The following PEMT variants were observed in gnomAD, a reference collection of about 807,000 sequenced individuals.
PEMT encodes phospholipid methyltransferase.
Under a neutral mutation model 27.4 loss-of-function variants are expected in PEMT, and 23 were observed. The observed-to-expected ratio is 0.84, with a 90% CI of 0.60 to 1.19. PEMT has a LOEUF of 1.19. Among genes scored for constraint, PEMT ranks in the 50% most tolerant of loss-of-function variants. The probability of loss-of-function intolerance (pLI) is 0.00; values close to 1 mark genes in which losing one functional copy is unlikely to be tolerated. For missense variants in PEMT, 307 were observed against 310.1 expected (o/e 0.99, Z 0.07); for synonymous variants, 137 against 139.1 (o/e 0.98, Z 0.11).
chr17:17,523,980 A>G lies in PEMT; in HGVS notation c.205-1585T>C, dbSNP rs989686607. 6.6e-6 allele frequency among the ~76,000 whole-genome samples: 1 copy of G among 151,906 alleles called. No homozygotes were observed. The highest frequency in any genetic ancestry group is 1.5e-5 in the Non-Finnish European group (1 of 68,002). ...GCTTTCCGTTGCTATGGATTCACCT[A>G]TTCTGGACGTTTCATATAAACTGAA... On this transcript the variant is annotated intron_variant, in intron 2 of 6. Coordinates refer to ENST00000255389, the MANE Select transcript of PEMT (RefSeq NM_148172.3). The surrounding 1 kb of genome is among the most constrained non-coding windows in gnomAD (Gnocchi z 4.8).
chr17:17,524,885 G>A (rs973501173), intron 2 of PEMT, among the ~76,000 whole-genome samples: 11 of 152,308 alleles, frequency 7.2e-5, no homozygotes, highest in African/African-American at 2.6e-4. Context: ...CGAGGCAGGT[G>A]GATCATGAGG....
chr17:17,560,603 G>C (rs1287597274), intron 2 of PEMT, among the ~76,000 whole-genome samples: 1 of 152,162 alleles, frequency 6.6e-6, no homozygotes, highest in Non-Finnish European at 1.5e-5. Context: ...ATGGGGGCGC[G>C]GGCCCCTGGG....
rs762407702 is a variant in PEMT at position 17,506,248 on chromosome 17, A to G, written c.632T>C (p.Ile211Thr). The G allele has an allele frequency of 1.9e-6, 3 of 1,581,912 alleles. No individual in the cohort carries two copies. The highest frequency in any genetic ancestry group is 2.3e-5 in the East Asian group (1 of 43,556). The change falls in exon 6 of 7, where the codon ATA becomes ACA. Residue 211 changes from isoleucine (I) to threonine (T), a missense_variant. Ile to Thr is a moderately conservative substitution (Grantham distance 89, BLOSUM62 -1). Coordinates refer to ENST00000255389, the MANE Select transcript of PEMT (RefSeq NM_148172.3). ...TCACTCTTCGTATAGGAGAGCCACTATGTAGGTGAGGGCCACCAGCACCGT... is the reference window on the plus strand; with the variant it reads ...TCACTCTTCGTATAGGAGAGCCACTGTGTAGGTGAGGGCCACCAGCACCGT... ...LLTVLVALTY[I>T]VALLYEEPFT... is the part of the protein sequence containing the mutation.
At chr17:17,586,289 A>AAAGAAAGAAAGAAAG (rs1491465188) in intron 1 of PEMT, among the ~76,000 whole-genome samples, 17 of 63,546 alleles carry the variant, frequency 2.7e-4, no homozygotes, top group East Asian at 2.3e-3. Context: ...AGAAAGAAAG[A>AAAGAAAGAAAGAAAG]AAAAAAAAAA....
At chr17:17,516,553 C>G (rs554518050) in intron 3 of PEMT, among the ~76,000 whole-genome samples, 4 of 152,188 alleles carry the variant, frequency 2.6e-5, no homozygotes, top group African/African-American at 9.7e-5. Flanking sequence ...GCCTCACGGG[C>G]AGGCCAAGGA....
At chr17:17,518,696 C>T (rs530236803) in intron 3 of PEMT, among the ~76,000 whole-genome samples, 1 of 152,206 alleles carries the variant, frequency 6.6e-6, no homozygotes, top group Non-Finnish European at 1.5e-5. Context: ...GTGTTCTCTG[C>T]CCACCAACCG....
Position 17,522,271 on chromosome 17 carries a change from T to C in PEMT, c.320+9A>G. ...GGTTGTGGCTCCCCAGTGAGAGAGCTGTGCTTACCAGTGCGAGCGCAGGAA... is the reference window on the plus strand; with the variant it reads ...GGTTGTGGCTCCCCAGTGAGAGAGCCGTGCTTACCAGTGCGAGCGCAGGAA... On this transcript the variant is annotated intron_variant, in intron 3 of 6. Coordinates refer to ENST00000255389, the MANE Select transcript of PEMT (RefSeq NM_148172.3). 3 of 1,594,756 alleles carry C rather than the reference T, an allele frequency of 1.9e-6. No individual in the cohort carries two copies. The highest frequency in any genetic ancestry group is 2.6e-6 in the Non-Finnish European group (3 of 1,162,310).
chr17:17,583,343 T>C (rs1414555232), intron 1 of PEMT, among the ~76,000 whole-genome samples: 1 of 152,190 alleles, frequency 6.6e-6, no homozygotes, highest in African/African-American at 2.4e-5. Context: ...GCCACTGCAC[T>C]CCAGCCTGGG....
At chr17:17,566,069 C>T (rs1289312125) in intron 2 of PEMT, among the ~76,000 whole-genome samples, 1 of 152,190 alleles carries the variant, frequency 6.6e-6, no homozygotes, top group Admixed American at 6.5e-5. Context: ...TTTTGGGTCA[C>T]CAAGTAGGTT....
At chr17:17,553,711 C>T (rs966125422) in intron 2 of PEMT, among the ~76,000 whole-genome samples, 1 of 152,236 alleles carries the variant, frequency 6.6e-6, no homozygotes, top group Non-Finnish European at 1.5e-5. Context: ...AGCAGGTTCT[C>T]CCCGGCAGCA....
chr17:17,546,128 C>A (rs1050106795), intron 2 of PEMT, among the ~76,000 whole-genome samples: 3 of 152,230 alleles, frequency 2.0e-5, no homozygotes, highest in African/African-American at 7.2e-5. Flanking sequence ...CCTCCCCACA[C>A]CTCCCTGGGG....
intron 2 of PEMT, among the ~76,000 whole-genome samples, chr17:17,554,791 T>C (rs963621861): frequency 1.3e-5 from 2 of 152,006 alleles, no homozygotes; most frequent in Non-Finnish European, 2.9e-5. Context: ...AATTTTTGTA[T>C]TTTTAGTAGA....
At chr17:17,511,205 T>C (rs1258619406) in intron 4 of PEMT, among the ~76,000 whole-genome samples, 1 of 152,112 alleles carries the variant, frequency 6.6e-6, no homozygotes, top group Non-Finnish European at 1.5e-5. Context: ...TCCCTCTCCT[T>C]GCACCAAGGC....
intron 1 of PEMT, among the ~76,000 whole-genome samples, chr17:17,589,696 C>T (rs1163269182): frequency 6.6e-6 from 1 of 152,240 alleles, no homozygotes; most frequent in East Asian, 1.9e-4. Context: ...ATTTTAAAAC[C>T]GGAGATTTTG....
chr17:17,525,183 C>A (rs1438386014), intron 2 of PEMT, among the ~76,000 whole-genome samples: 1 of 152,166 alleles, frequency 6.6e-6, no homozygotes, highest in Non-Finnish European at 1.5e-5. Flanking sequence ...ATACAGCCCC[C>A]CTCCCCCAAC....
chr17:17,552,516 C>T (rs1909730003), intron 2 of PEMT, among the ~76,000 whole-genome samples: 1 of 152,222 alleles, frequency 6.6e-6, no homozygotes, highest in Non-Finnish European at 1.5e-5. Flanking sequence ...GGGTGAGACG[C>T]TGCTCCTCAC....
At chr17:17,509,623 G>C (rs888021775) in intron 4 of PEMT, 78 bp from the exon 5 acceptor site, 20 of 1,011,054 alleles carry the variant, frequency 2.0e-5, no homozygotes, top group Non-Finnish European at 3.0e-5. Flanking sequence ...GCCCCAGAGC[G>C]GGCTGTGGCG....
rs1194684748 is a variant in PEMT at position 17,505,846 on chromosome 17, G to C, written c.656C>G (p.Pro219Arg). The change falls in exon 7 of 7, where the codon CCC (proline) becomes CGC (arginine). Residue 219 changes from proline to arginine, a missense_variant and splice_region_variant. Pro to Arg is a moderately radical substitution (Grantham distance 103, BLOSUM62 -2). Coordinates refer to ENST00000255389, the MANE Select transcript of PEMT (RefSeq NM_148172.3). The stretch of plus-strand genomic sequence containing the variant: ...CTGCCGGTAGATCTCAGCGGTGAAG[G>C]GCCTGCCGGGCAGCGGGGAGAGGCT... ...TYIVALLYEE[P>R]FTAEIYRQKA... is the part of the protein sequence containing the mutation. The C allele has an allele frequency of 6.2e-7, 1 of 1,609,552 alleles. No homozygotes were observed. The highest frequency in any genetic ancestry group is 1.1e-5 in the South Asian group (1 of 90,388).
In PEMT at chr17:17,582,525, A is replaced by C; in HGVS notation, c.97-5498T>G. On this transcript the variant is annotated intron_variant, in intron 1 of 6. Coordinates refer to ENST00000255389, the MANE Select transcript of PEMT (RefSeq NM_148172.3). The surrounding 1 kb of genome is among the most constrained non-coding windows in gnomAD (Gnocchi z 4.9). The stretch of plus-strand genomic sequence containing the variant: ...AAGTCACATCGATTCCAGGCCACAC[A>C]CCACACACAACAAAGGGCAGGGGAA... The C allele has an allele frequency of 3.5e-6, 2 of 570,500 alleles. No individual in the cohort carries two copies. Among genetic ancestry groups the C allele is most frequent in the South Asian group, 7.7e-5 (1 of 13,006 alleles). 35.3% of individuals were successfully genotyped at this position (570,500 alleles called of 1,614,324 possible).
Sources: allele counts gnomAD v4.1 joint callset (sites outside exome capture counted in the v4.1 genomes callset), GRCh38; gene constraint gnomAD v4.1.1; non-coding constraint Gnocchi (gnomAD v3.1); transcripts MANE v1.5; gene names NCBI Gene and HGNC (gene_info 2026-07-23, HGNC 2026-07-21).